CHAT: variants seen among roughly 807,000 people sequenced by gnomAD.
The protein encoded by CHAT is acetyl CoA:choline O-acetyltransferase.
CHAT carries 61 observed loss-of-function variants against 76.9 expected under a neutral mutation model. The ratio of observed to expected loss-of-function variants is 0.79; its 90% CI spans 0.65 to 0.98. The LOEUF is 0.98. CHAT is among the 50% of genes least tolerant of loss of function. The probability of loss-of-function intolerance (pLI) is 0.00; values close to 1 mark genes in which losing one functional copy is unlikely to be tolerated. For missense variants in CHAT, 946 were observed against 986.9 expected (o/e 0.96, Z 0.56); for synonymous variants, 407 against 397.4 (o/e 1.02, Z -0.29).
rs1590576560 is a variant in CHAT at position 49,627,651 on chromosome 10, AG to A, written c.982del (p.Asp328IlefsTer6). The A allele has an allele frequency of 1.9e-6, 3 of 1,613,988 alleles. No homozygotes were observed. Among genetic ancestry groups the A allele is most frequent in the Non-Finnish European group, 2.5e-6 (3 of 1,179,980 alleles). ...GTCATTAATTTCCGCCGTCTCAGTG[AG>A]GGGGATCTGTTCACTCAGTTGAGAA... ...DVVINFRRLS[E>X]GDLFTQLRKI... On this transcript the variant is annotated frameshift_variant, in exon 7 of 15. Transcript: ENST00000337653. LOFTEE classifies it high-confidence loss of function.
At chr10:49,664,754 T>C (rs1315361476) in intron 14 of CHAT, 23 bp from the exon 15 acceptor site, 3 of 1,614,174 alleles carry the variant, frequency 1.9e-6, no homozygotes, top group Non-Finnish European at 2.5e-6. Flanking sequence ...AACAAGCAGC[T>C]CCTGACCTGT....
chr10:49,661,154 C>T (rs1840182208), intron 13 of CHAT: 1 of 152,156 alleles, frequency 6.6e-6, no homozygotes, highest in Admixed American at 6.5e-5. Flanking sequence ...TTAAGATTCC[C>T]TAAATGAATG....
In CHAT at chr10:49,623,337, C is replaced by G. The variant is rs558515058; in HGVS notation, c.752+1187C>G. Among the ~76,000 whole-genome samples, 6 of 152,276 alleles carry G rather than the reference C, an allele frequency of 3.9e-5. No individual in the cohort carries two copies. In the South Asian group the frequency reaches 1.2e-3, roughly 32 times the overall value. On this transcript the variant is annotated intron_variant, in intron 5 of 14. Transcript: ENST00000337653. Reference sequence around the variant, plus strand: ...ATGTGTGTGCACACTCACACAGACACGAATACCCATGCATATCCACGTGGA... The same window carrying G: ...ATGTGTGTGCACACTCACACAGACAGGAATACCCATGCATATCCACGTGGA...
intron 7 of CHAT, among the ~76,000 whole-genome samples, chr10:49,643,444 G>C (rs1839554122): frequency 6.6e-6 from 1 of 152,140 alleles, no homozygotes; most frequent in Admixed American, 6.5e-5. Flanking sequence ...ATCTGAACCT[G>C]ACCCAGACCT....
At chr10:49,609,939 G>A (rs1230738348), upstream of CHAT, among the ~76,000 whole-genome samples, 1 of 152,078 alleles carries the variant, frequency 6.6e-6, no homozygotes, top group Non-Finnish European at 1.5e-5. Context: ...CTCTCCCAAG[G>A]GGCCTCGAGG....
At chr10:49,619,211 T>C in intron 2 of CHAT, among the ~76,000 whole-genome samples, 1 of 152,204 alleles carries the variant, frequency 6.6e-6, no homozygotes. Context: ...CAGAGATCAA[T>C]CAGATTCTGG....
In CHAT at chr10:49,667,687, T is replaced by C. The variant is rs563195937; in HGVS notation, c.*2641T>C. ...GACAGTCATTTGGAACAGTGATGCA[T>C]AATAAAATGTATGTGGCCACCTTAC... On this transcript the variant is annotated 3_prime_UTR_variant, in exon 15 of 15. Transcript: ENST00000337653. 1.3e-5 allele frequency among the ~76,000 whole-genome samples: 2 copies of C among 152,380 alleles called. No homozygotes were observed. Among genetic ancestry groups the C allele is most frequent in the East Asian group, 3.9e-4 (2 of 5,190 alleles).
chr10:49,631,196 G>A lies in CHAT; in HGVS notation c.1111+3411G>A, dbSNP rs186331063. On this transcript the variant is annotated intron_variant, in intron 7 of 14. Transcript: ENST00000337653. ...GTTCAAGTCTGCTCAGCAGGTTCAA[G>A]TCTGCTCAGGCAGCCGTAACAAAGT... Among the ~76,000 whole-genome samples, 634 of 152,292 alleles carry A rather than the reference G, an allele frequency of 4.2e-3. 1 individual carries two copies. The highest frequency in any genetic ancestry group is 6.8e-3 in the Middle Eastern group (2 of 294).
At chr10:49,611,193 C>T (rs1327949075), upstream of CHAT, 6 of 1,614,008 alleles carry the variant, frequency 3.7e-6, no homozygotes, top group South Asian at 5.5e-5. Context: ...GCATGAGCTA[C>T]GACGTGCCGC....
At chr10:49,657,043 A>T (rs146735138) in intron 13 of CHAT, among the ~76,000 whole-genome samples, 2 of 152,364 alleles carry the variant, frequency 1.3e-5, no homozygotes, top group East Asian at 3.9e-4. Flanking sequence ...GCAACATGTT[A>T]GAGCTGGAAA....
intron 2 of CHAT, among the ~76,000 whole-genome samples, chr10:49,618,230 T>C (rs539421820): frequency 6.6e-6 from 1 of 152,346 alleles, no homozygotes; most frequent in East Asian, 1.9e-4. Context: ...GGAGATCAGC[T>C]AGATTCTGGA....
At chr10:49,613,600 G>T (rs938603654), upstream of CHAT, among the ~76,000 whole-genome samples, 4 of 152,210 alleles carry the variant, frequency 2.6e-5, no homozygotes, top group Non-Finnish European at 5.9e-5. Context: ...TCCTCGATCT[G>T]CGAGTCGGGC....
rs987332692 is a variant in CHAT, at chr10:49,627,536, G to A, written c.934-72G>A. ...GAGCATCCCTGCCCCAAGCTTACCT[G>A]TGAAGGCTGAGTGAAGGCCTGGTGC... On this transcript the variant is annotated intron_variant, in intron 6 of 14. Coordinates refer to ENST00000337653, the MANE Select transcript of CHAT (RefSeq NM_020549.5). 40 of 1,499,932 alleles carry A rather than the reference G, an allele frequency of 2.7e-5. 1 individual carries two copies. In the South Asian group the frequency reaches 4.2e-4, roughly 16 times the overall value. The allele number at this position is 1,499,932 out of a possible 1,614,324, so 92.9% of individuals were successfully genotyped here.
upstream of CHAT, chr10:49,610,561 G>T: frequency 1.8e-6 from 1 of 556,434 alleles, no homozygotes. Flanking sequence ...ACGCCTCGCC[G>T]GACGGAGTCC....
At chr10:49,644,106 G>A (rs143005410) in intron 7 of CHAT, among the ~76,000 whole-genome samples, 311 of 152,356 alleles carry the variant, frequency 2.0e-3, no homozygotes, top group African/African-American at 7.2e-3. Flanking sequence ...CGTGCTCAGG[G>A]TGTTAGGAGT....
chr10:49,651,707 A>C, intron 10 of CHAT, 177 bp from the exon 11 acceptor site: 1 of 628,494 alleles, frequency 1.6e-6, no homozygotes, highest in Non-Finnish European at 2.7e-6. Context: ...GTCTTCTGAC[A>C]CTTTCATAGG....
chr10:49,659,075 G>A (rs918156574), intron 13 of CHAT, among the ~76,000 whole-genome samples: 1 of 148,710 alleles, frequency 6.7e-6, no homozygotes, highest in African/African-American at 2.5e-5. Context: ...ATGAAGAGAA[G>A]ATTCTAAAAT....
chr10:49,662,598 C>T, intron 13 of CHAT, 47 bp from the exon 14 acceptor site: 1 of 1,611,734 alleles, frequency 6.2e-7, no homozygotes, highest in Non-Finnish European at 8.5e-7. Flanking sequence ...CAAGGAGGTG[C>T]AGGAGGCCCA....
chr10:49,622,108 G>A lies in CHAT; in HGVS notation c.710G>A (p.Ser237Asn), dbSNP rs1213730456. The A allele has an allele frequency of 1.9e-6, 3 of 1,612,490 alleles. No homozygotes were observed. The highest frequency in any genetic ancestry group is 2.7e-5 in the African/African-American group (2 of 74,522). ...GTDDQLRFAA[S>N]LISGVLSYKA... is the part of the protein sequence containing the mutation. ...CCTTCTCCCTGCAGGTTTGCAGCCA[G>A]CCTCATCTCTGGTGTACTCAGCTAC... is the stretch of plus-strand genomic sequence containing the variant. The change falls in exon 5 of 15, where the codon AGC becomes AAC. Residue 237 changes from serine (S) to asparagine (N), a missense_variant. By Grantham distance (46) the Ser-to-Asn change is conservative. Around this residue, in one of 3 missense-constraint regions of CHAT, gnomAD observed 548 missense variants for 516.2 expected, o/e 1.06. Coordinates refer to ENST00000337653, the MANE Select transcript of CHAT (RefSeq NM_020549.5).
Sources: gnomAD v4.1 joint callset for allele counts (sites outside exome capture counted in the v4.1 genomes callset) on GRCh38, gnomAD v4.1.1 for gene constraint, gnomAD v4.1.1 regional missense constraint, MANE v1.5 for transcripts, NCBI Gene and HGNC (gene_info 2026-07-23, HGNC 2026-07-21) for gene names.